The following LOC128125814 variants were observed in gnomAD, a reference collection of about 807,000 sequenced individuals.
chr12:57,518,143 C>A, the LOC128125814 span, among the ~76,000 whole-genome samples: 1 of 152,124 alleles, frequency 6.6e-6, no homozygotes, highest in Non-Finnish European at 1.5e-5. Context: ...CCTCCAGCCT[C>A]CTACTGGTCC....
At chr12:57,520,480 T>C in the LOC128125814 span, 4 of 398,664 alleles carry the variant, frequency 1.0e-5, no homozygotes, top group South Asian at 1.3e-4. Flanking sequence ...ATCTTTAACA[T>C]GATACGCTCA....
At chr12:57,517,914 C>T in the LOC128125814 span, among the ~76,000 whole-genome samples, 1 of 151,782 alleles carries the variant, frequency 6.6e-6, no homozygotes. Flanking sequence ...GCAACCTCTG[C>T]CTCCTCGGTT....
the LOC128125814 span, among the ~76,000 whole-genome samples, chr12:57,519,774 G>A: frequency 6.6e-6 from 1 of 152,210 alleles, no homozygotes; most frequent in East Asian, 1.9e-4. Context: ...ACAATACCCT[G>A]GGGAGACCCC....
At chr12:57,518,142 T>G in the LOC128125814 span, among the ~76,000 whole-genome samples, 1 of 151,944 alleles carries the variant, frequency 6.6e-6, no homozygotes, top group African/African-American at 2.4e-5. Context: ...ACCTCCAGCC[T>G]CCTACTGGTC....
chr12:57,519,918 TCCCCTATCCGCTG>T, the LOC128125814 span, among the ~76,000 whole-genome samples: 1 of 152,150 alleles, frequency 6.6e-6, no homozygotes, highest in Admixed American at 6.5e-5. Context: ...TCCTCAAGGT[TCCCCTATCCGCTG>T]CAGGGTCCAG....
At chr12:57,518,184 T>A in the LOC128125814 span, among the ~76,000 whole-genome samples, 2 of 152,162 alleles carry the variant, frequency 1.3e-5, no homozygotes, top group African/African-American at 4.8e-5. Context: ...GGGGTATGCA[T>A]ACTTGGTCCC....
At chr12:57,519,455 A>G in the LOC128125814 span, among the ~76,000 whole-genome samples, 4 of 152,120 alleles carry the variant, frequency 2.6e-5, no homozygotes, top group African/African-American at 9.7e-5. Flanking sequence ...CTCATTAAGT[A>G]TTTGTTAAGA....
chr12:57,517,829 TTTC>T, the LOC128125814 span: 7 of 429,656 alleles, frequency 1.6e-5, no homozygotes, highest in Middle Eastern at 5.9e-4. Flanking sequence ...TCTTTTTTTC[TTTC>T]TTTTTTTTTT....
At chr12:57,517,786 T>C in the LOC128125814 span, 2 of 432,454 alleles carry the variant, frequency 4.6e-6, no homozygotes, top group African/African-American at 4.1e-5. Flanking sequence ...TCAGCCATTT[T>C]TGGAAGGGGG....
chr12:57,519,241 GAGTGGAGGAATTACCTAAGGTAA>G, the LOC128125814 span: 1 of 531,626 alleles, frequency 1.9e-6, no homozygotes, highest in African/African-American at 1.9e-5. Flanking sequence ...GAAGGGTTTT[GAGTGGAGGAATTACCTAAGGTAA>G]TTCCTGACCA....
chr12:57,518,587 A>T, the LOC128125814 span, among the ~76,000 whole-genome samples: 1 of 152,170 alleles, frequency 6.6e-6, no homozygotes, highest in Non-Finnish European at 1.5e-5. Flanking sequence ...CTAGTTGCTT[A>T]AGCTAAAAAC....
chr12:57,520,472 C>A, the LOC128125814 span: 1 of 398,556 alleles, frequency 2.5e-6, no homozygotes, highest in Non-Finnish European at 4.4e-6. Context: ...ACCCGCTCAT[C>A]TTTAACATGA....
chr12:57,519,507 G>A, the LOC128125814 span, among the ~76,000 whole-genome samples: 2 of 152,188 alleles, frequency 1.3e-5, no homozygotes, highest in Admixed American at 6.5e-5. Context: ...ATAGGGAAGG[G>A]GCAGAAGCAG....
the LOC128125814 span, chr12:57,519,402 A>G: frequency 8.2e-6 from 3 of 367,334 alleles, no homozygotes; most frequent in Admixed American, 1.1e-4. Context: ...CTCTTGCTCA[A>G]GGATGTACCC....
the LOC128125814 span, chr12:57,520,388 G>A: frequency 7.5e-6 from 3 of 398,588 alleles, no homozygotes; most frequent in East Asian, 7.1e-5. Context: ...GAGACGGGAG[G>A]GTAAAAGGTA....
the LOC128125814 span, among the ~76,000 whole-genome samples, chr12:57,518,406 C>T: frequency 2.6e-5 from 4 of 152,170 alleles, no homozygotes; most frequent in Non-Finnish European, 5.9e-5. Flanking sequence ...GGGCTGACAT[C>T]CTCCAAATGT....
At chr12:57,520,315 G>C in the LOC128125814 span, 17 of 397,632 alleles carry the variant, frequency 4.3e-5, no homozygotes, top group Admixed American at 2.6e-4. Context: ...TCTCTCGGAC[G>C]GTCCCTAACT....
At chr12:57,519,991 GAGAC>G in the LOC128125814 span, among the ~76,000 whole-genome samples, 1 of 152,238 alleles carries the variant, frequency 6.6e-6, no homozygotes, top group South Asian at 2.1e-4. Flanking sequence ...CACTGAGACT[GAGAC>G]AGAATTGGGG....
chr12:57,518,614 A>AT, the LOC128125814 span, among the ~76,000 whole-genome samples: 1 of 152,118 alleles, frequency 6.6e-6, no homozygotes, highest in East Asian at 1.9e-4. Flanking sequence ...ATCATCCTTC[A>AT]TTCCTCTTCT....
Sources: allele counts gnomAD v4.1 joint callset (sites outside exome capture counted in the v4.1 genomes callset), GRCh38; gene constraint gnomAD v4.1.1; transcripts MANE v1.5.